Variants in NPAS3 observed in about 807,000 individuals in gnomAD.
The protein encoded by NPAS3 is neuronal PAS domain protein 3.
Under a neutral mutation model 73.1 loss-of-function variants are expected in NPAS3, and 14 were observed. The observed-to-expected ratio is 0.19, with a 90% CI of 0.13 to 0.30. The LOEUF is 0.30. NPAS3 is among the 10% of genes least tolerant of loss of function. The pLI, the probability that NPAS3 is intolerant of heterozygous loss-of-function variation, is 1.00. For synonymous variants in NPAS3, 620 were observed against 541.5 expected (o/e 1.14, Z -2.01); for missense variants, 1,096 against 1,250.0 (o/e 0.88, Z 1.86).
chr14:33,544,824 T>TATATATTATATATATATATAAAA (rs2054746551), intron 4 of NPAS3, among the ~76,000 whole-genome samples: 1 of 61,434 alleles, frequency 1.6e-5, no homozygotes, highest in African/African-American at 1.0e-4. Context: ...ATATATAATA[T>TATATATTATATATATATATAAAA]ATATGTGTAT....
intron 1 of NPAS3, among the ~76,000 whole-genome samples, chr14:33,011,737 C>G (rs551419531): frequency 3.2e-4 from 48 of 152,218 alleles, no homozygotes; most frequent in African/African-American, 1.1e-3. Context: ...TAATTATAAA[C>G]CAGATATGCT....
At chr14:33,087,325 A>G (rs1423446764) in intron 2 of NPAS3, among the ~76,000 whole-genome samples, 1 of 149,964 alleles carries the variant, frequency 6.7e-6, no homozygotes, top group African/African-American at 2.5e-5. Flanking sequence ...CAAGCCTAAC[A>G]CTTGTCAGAA....
At chr14:33,363,487 A>G (rs1036322343) in intron 3 of NPAS3, among the ~76,000 whole-genome samples, 9 of 152,174 alleles carry the variant, frequency 5.9e-5, no homozygotes, top group Non-Finnish European at 1.2e-4. Context: ...AGACAATCAG[A>G]ATTTTCCTAG....
Position 33,314,300 on chromosome 14 carries a change from G to A in NPAS3, c.386-52886G>A, listed in dbSNP as rs138660433. On this transcript the variant is annotated intron_variant, in intron 3 of 11. Transcript: ENST00000356141. ...TACTAATTAACTTTATTTTTCCACC[G>A]TAGAAATAACAAGATTTTCAAATCA... Among the ~76,000 whole-genome samples the A allele has an allele frequency of 4.1e-4, 62 of 151,668 alleles. 1 individual carries two copies. Among genetic ancestry groups the A allele is most frequent in the Admixed American group, 1.9e-3 (29 of 15,210 alleles).
intron 3 of NPAS3, among the ~76,000 whole-genome samples, chr14:33,348,420 T>G (rs897121627): frequency 1.3e-5 from 2 of 152,116 alleles, no homozygotes; most frequent in African/African-American, 4.8e-5. Context: ...TAGGGAAAAC[T>G]CTTGATATTA....
intron 2 of NPAS3, among the ~76,000 whole-genome samples, chr14:33,058,556 C>T (rs190216907): frequency 1.1e-4 from 16 of 152,284 alleles, no homozygotes; most frequent in Admixed American, 2.0e-4. Context: ...ATTACAGCGA[C>T]GTTTTTCTAA....
At chr14:33,132,486 C>A (rs112045329) in intron 2 of NPAS3, among the ~76,000 whole-genome samples, 37 of 152,078 alleles carry the variant, frequency 2.4e-4, no homozygotes, top group Admixed American at 4.6e-4. Flanking sequence ...CAAGTTTGGT[C>A]TTGAGCTCAG....
At chr14:33,559,811 G>T (rs1219003045) in intron 4 of NPAS3, among the ~76,000 whole-genome samples, 2 of 152,272 alleles carry the variant, frequency 1.3e-5, no homozygotes, top group Admixed American at 1.3e-4. Context: ...CTGAGGTCAG[G>T]AGTTCGAGAC....
At chr14:33,068,363 C>T (rs1213201031) in intron 2 of NPAS3, among the ~76,000 whole-genome samples, 2 of 152,216 alleles carry the variant, frequency 1.3e-5, no homozygotes, top group Non-Finnish European at 2.9e-5. Context: ...AGGCACAACA[C>T]ATGCACTAAG....
chr14:32,999,229 C>T (rs941066153), intron 1 of NPAS3, among the ~76,000 whole-genome samples: 8 of 151,892 alleles, frequency 5.3e-5, no homozygotes, highest in South Asian at 2.1e-4. Context: ...TGTTATATTC[C>T]GGCCGGGTGC....
At chr14:33,604,391 T>A (rs922562552) in intron 5 of NPAS3, among the ~76,000 whole-genome samples, 2 of 151,974 alleles carry the variant, frequency 1.3e-5, no homozygotes, top group Non-Finnish European at 2.9e-5. Context: ...AGATTTCAGA[T>A]CAAAGAATAT....
At chr14:33,579,831 C>T (rs868293741) in intron 5 of NPAS3, among the ~76,000 whole-genome samples, 1 of 151,788 alleles carries the variant, frequency 6.6e-6, no homozygotes, top group African/African-American at 2.4e-5. Flanking sequence ...TGTATCTACA[C>T]GAAGCCAAAC....
At chr14:32,979,760 T>A (rs1355048826) in intron 1 of NPAS3, among the ~76,000 whole-genome samples, 1 of 152,236 alleles carries the variant, frequency 6.6e-6, no homozygotes, top group Non-Finnish European at 1.5e-5. Context: ...TCACTTTTTT[T>A]CTTGTAATGA....
chr14:33,573,383 G>C (rs556760494), intron 5 of NPAS3, among the ~76,000 whole-genome samples: 1 of 152,280 alleles, frequency 6.6e-6, no homozygotes, highest in Admixed American at 6.5e-5. Flanking sequence ...AAGCTACGAT[G>C]ACCTACAAGT....
intron 4 of NPAS3, among the ~76,000 whole-genome samples, chr14:33,479,084 AG>A (rs2051184740): frequency 6.6e-6 from 1 of 152,304 alleles, no homozygotes; most frequent in Non-Finnish European, 1.5e-5. Flanking sequence ...TGGCAATAAA[AG>A]GCTAAGGAAA....
At chr14:33,495,588 C>T (rs907379765) in intron 4 of NPAS3, among the ~76,000 whole-genome samples, 5 of 151,964 alleles carry the variant, frequency 3.3e-5, no homozygotes, top group African/African-American at 1.2e-4. Context: ...AATTCTCCCA[C>T]TATTATTGCG....
At position 33,265,074 on chromosome 14, in the gene NPAS3, T is replaced by TC. The variant is rs2049120070; in HGVS notation, c.385+49648_385+49649insC. The stretch of plus-strand genomic sequence containing the variant: ...CATCATCACTACTACCTACTGAGAA[T>TC]ACTCTTTTCTTCTTTGGTAGCTTTC... On this transcript the variant is annotated intron_variant, in intron 3 of 11. Transcript: ENST00000356141. Among the ~76,000 whole-genome samples the TC allele has an allele frequency of 2.0e-5, 3 of 152,366 alleles. No homozygotes were observed. In the South Asian group the frequency reaches 6.2e-4, roughly 32 times the overall value.
At chr14:32,975,301 C>CTGTCACTCCCTTCCTCCGTCA (rs1555313389) in intron 1 of NPAS3, among the ~76,000 whole-genome samples, 1 of 116,226 alleles carries the variant, frequency 8.6e-6, no homozygotes, top group East Asian at 2.7e-4. Context: ...TCCCTCCCTC[C>CTGTCACTCCCTTCCTCCGTCA]CTCCCTGCCT....
chr14:33,345,931 A>G (rs1347759475), intron 3 of NPAS3, among the ~76,000 whole-genome samples: 1 of 152,172 alleles, frequency 6.6e-6, no homozygotes, highest in Non-Finnish European at 1.5e-5. Flanking sequence ...ACTATGGGAT[A>G]CATAGAAGTG....
Sources: gnomAD v4.1 joint callset for allele counts (sites outside exome capture counted in the v4.1 genomes callset) on GRCh38, gnomAD v4.1.1 for gene constraint, MANE v1.5 for transcripts, NCBI Gene and HGNC (gene_info 2026-07-23, HGNC 2026-07-21) for gene names.